PAX5: variants seen among roughly 807,000 people sequenced by gnomAD.
PAX5 encodes the protein paired box 5, also known as paired box protein Pax-5.
In PAX5, 9 loss-of-function variants were observed where a neutral mutation model predicts 43.7. The observed-to-expected ratio is 0.21, with a 90% confidence interval of 0.12 to 0.36. The LOEUF (loss-of-function observed/expected upper bound fraction) is 0.36. Among genes scored for constraint, PAX5 ranks in the 10% least tolerant of loss-of-function variants. PAX5 has a pLI of 1.00. For missense variants in PAX5, 383 were observed against 532.7 expected, an observed-to-expected ratio of 0.72 and a Z score of 2.77; for synonymous variants, 228 against 214.3, an observed-to-expected ratio of 1.06 and a Z score of -0.56.
intron 6 of PAX5, among the ~76,000 whole-genome samples, chr9:36,945,226 T>TC (rs1481875174): frequency 6.6e-6 from 1 of 151,584 alleles, no homozygotes; most frequent in Non-Finnish European, 1.5e-5. Flanking sequence ...CAACTGTCTT[T>TC]TTTTTTTTAG....
intron 8 of PAX5, among the ~76,000 whole-genome samples, chr9:36,856,784 A>C (rs1323317987): frequency 1.3e-5 from 2 of 152,192 alleles, no homozygotes; most frequent in Middle Eastern, 3.4e-3. Flanking sequence ...AAAATACACA[A>C]ATTTTCTAAA....
At chr9:36,891,172 T>C (rs1227429641) in intron 7 of PAX5, among the ~76,000 whole-genome samples, 1 of 152,228 alleles carries the variant, frequency 6.6e-6, no homozygotes, top group Non-Finnish European at 1.5e-5. Flanking sequence ...TTTTACATAT[T>C]GTTCACTTTA....
chr9:36,988,585 C>T (rs1314474355), intron 5 of PAX5, among the ~76,000 whole-genome samples: 1 of 149,680 alleles, frequency 6.7e-6, no homozygotes, highest in East Asian at 2.0e-4. Context: ...ATCACTTGAG[C>T]CCACGAGGTC....
intron 1 of PAX5, among the ~76,000 whole-genome samples, chr9:37,024,522 T>A (rs1044399729): frequency 6.6e-6 from 1 of 152,168 alleles, no homozygotes; most frequent in African/African-American, 2.4e-5. Flanking sequence ...GCTAGCAAGT[T>A]GGGGCCCCAG....
intron 7 of PAX5, chr9:36,893,484 C>T (rs1827580567): frequency 6.5e-6 from 1 of 153,346 alleles, no homozygotes; most frequent in African/African-American, 2.4e-5. Flanking sequence ...CTAAATCCTT[C>T]CTGGCACCAA....
At chr9:37,023,162 C>T (rs1840001088) in intron 1 of PAX5, among the ~76,000 whole-genome samples, 1 of 152,046 alleles carries the variant, frequency 6.6e-6, no homozygotes, top group Admixed American at 6.6e-5. Flanking sequence ...AAGGAAGCAG[C>T]AGGTTAGGCA....
At chr9:37,003,173 A>C (rs199750571) in intron 4 of PAX5, among the ~76,000 whole-genome samples, 3,979 of 150,302 alleles carry the variant, frequency 0.026, 128 homozygotes, top group East Asian at 0.069. Context: ...AAAAAAAAAA[A>C]AAAAAAAACC....
At chr9:36,868,489 A>G (rs1055979990) in intron 8 of PAX5, among the ~76,000 whole-genome samples, 3 of 152,112 alleles carry the variant, frequency 2.0e-5, no homozygotes, top group African/African-American at 7.2e-5. Flanking sequence ...GGCTTCCTGT[A>G]AGAGAGAGCC....
chr9:36,865,327 C>T (rs1426510403), intron 8 of PAX5, among the ~76,000 whole-genome samples: 1 of 152,168 alleles, frequency 6.6e-6, no homozygotes, highest in East Asian at 1.9e-4. Context: ...CTGCCTAGCC[C>T]CTGGGCCTAG....
At chr9:37,000,673 A>G (rs1005699597) in intron 5 of PAX5, among the ~76,000 whole-genome samples, 1 of 152,264 alleles carries the variant, frequency 6.6e-6, no homozygotes, top group African/African-American at 2.4e-5. Flanking sequence ...TGGCAGCCCA[A>G]CAAGTGGCCA....
At chr9:37,031,928 C>T (rs950212436) in intron 1 of PAX5, among the ~76,000 whole-genome samples, 2 of 152,208 alleles carry the variant, frequency 1.3e-5, no homozygotes, top group African/African-American at 2.4e-5. Context: ...AAGGAAGAAG[C>T]TCTCATAGGA....
At chr9:36,841,592 A>G (rs771225542) in intron 9 of PAX5, among the ~76,000 whole-genome samples, 5 of 152,244 alleles carry the variant, frequency 3.3e-5, no homozygotes, top group Non-Finnish European at 7.3e-5. Flanking sequence ...AAAAGGCAGA[A>G]GCTGGGTTCT....
chr9:36,840,906 A>G (rs1025669421), intron 9 of PAX5, among the ~76,000 whole-genome samples: 1 of 152,150 alleles, frequency 6.6e-6, no homozygotes, highest in African/African-American at 2.4e-5. Flanking sequence ...AGTGAATAAC[A>G]TTTTACTGGA....
chr9:36,931,277 G>C (rs1046546819), intron 6 of PAX5, among the ~76,000 whole-genome samples: 3 of 152,236 alleles, frequency 2.0e-5, no homozygotes, highest in Non-Finnish European at 2.9e-5. Context: ...AGCAGGCAAA[G>C]GGGTCTGCAA....
intron 8 of PAX5, among the ~76,000 whole-genome samples, chr9:36,867,787 T>A (rs1348925141): frequency 6.6e-6 from 1 of 152,242 alleles, no homozygotes; most frequent in African/African-American, 2.4e-5. Flanking sequence ...TCTCCCTGTT[T>A]CGGGCCCTTT....
At chr9:36,887,199 A>G (rs980251907) in intron 7 of PAX5, among the ~76,000 whole-genome samples, 6 of 152,234 alleles carry the variant, frequency 3.9e-5, no homozygotes, top group African/African-American at 7.2e-5. Context: ...CCCAGATGCT[A>G]AAACATTCTA....
At chr9:36,966,751 T>C in intron 5 of PAX5, 27 bp from the exon 6 acceptor site, 1 of 1,606,402 alleles carries the variant, frequency 6.2e-7, no homozygotes, top group Non-Finnish European at 8.5e-7. Context: ...AGAGGAAGGG[T>C]GAGTGGAGGT....
At chr9:36,948,237 C>T (rs536914569) in intron 6 of PAX5, among the ~76,000 whole-genome samples, 2 of 152,316 alleles carry the variant, frequency 1.3e-5, no homozygotes, top group African/African-American at 4.8e-5. Flanking sequence ...ACCGCCTTGC[C>T]ATGTGGCCAG....
intron 5 of PAX5, 85 bp from the exon 6 acceptor site, chr9:36,966,809 A>G (rs1834483233): frequency 7.1e-6 from 9 of 1,270,954 alleles, no homozygotes; most frequent in Non-Finnish European, 1.0e-5. Flanking sequence ...GACTATGAAG[A>G]GGACCTGACC....
Sources: allele counts gnomAD v4.1 joint callset (sites outside exome capture counted in the v4.1 genomes callset), GRCh38; gene constraint gnomAD v4.1.1; transcripts MANE v1.5; gene names NCBI Gene and HGNC (gene_info 2026-07-23, HGNC 2026-07-21).